Variants in PLCH1 observed in about 807,000 individuals in gnomAD.
PLCH1 encodes the protein 1-phosphatidylinositol 4,5-bisphosphate phosphodiesterase eta-1.
In PLCH1, 60 loss-of-function variants were observed where a neutral mutation model predicts 126.7. The ratio of observed to expected loss-of-function variants is 0.47; its 90% CI spans 0.38 to 0.59. The LOEUF (loss-of-function observed/expected upper bound fraction) is 0.59. Ranked by LOEUF, PLCH1 falls within the 20% of genes least tolerant of loss-of-function variation. The probability of loss-of-function intolerance (pLI) is 0.00; values close to 1 mark genes in which losing one functional copy is unlikely to be tolerated. For synonymous variants in PLCH1, 719 were observed against 734.9 expected (o/e 0.98, Z 0.35); for missense variants, 1,723 against 2,040.0 (o/e 0.84, Z 2.99).
chr3:155,679,712 T>G (rs1186846879), intron 2 of PLCH1, among the ~76,000 whole-genome samples: 2 of 152,208 alleles, frequency 1.3e-5, no homozygotes, highest in Non-Finnish European at 2.9e-5. Flanking sequence ...TGTCACTTAA[T>G]GAAACATTAT....
At chr3:155,458,738 T>C (rs1712596279) in intron 21 of PLCH1, among the ~76,000 whole-genome samples, 1 of 152,184 alleles carries the variant, frequency 6.6e-6, no homozygotes, top group African/African-American at 2.4e-5. Flanking sequence ...TTGTCTATTA[T>C]TTCTTCCCCT....
intron 2 of PLCH1, among the ~76,000 whole-genome samples, chr3:155,617,237 G>A (rs1735898472): frequency 6.6e-6 from 1 of 152,072 alleles, no homozygotes; most frequent in African/African-American, 2.4e-5. Flanking sequence ...CTTTTCAGAG[G>A]ATGGTTTATA....
chr3:155,675,965 A>T, intron 2 of PLCH1: 1 of 1,206,832 alleles, frequency 8.3e-7, no homozygotes. Flanking sequence ...GGACTATTAC[A>T]CTTACCTTAA....
chr3:155,712,930 T>C (rs1010185179), intron 1 of PLCH1, among the ~76,000 whole-genome samples: 5 of 151,584 alleles, frequency 3.3e-5, no homozygotes, highest in African/African-American at 7.3e-5. Context: ...ACATTCCTTA[T>C]TAATAATATA....
chr3:155,564,934 C>T lies in PLCH1; in HGVS notation c.1050G>A (p.Glu350=), dbSNP rs146148469. Reference sequence around the variant, plus strand: ...ACGTACCTTCCACACAGCGACAGCCCTCTTGCAGCACCCGTGCATACATAT... The same window carrying T: ...ACGTACCTTCCACACAGCGACAGCCTTCTTGCAGCACCCGTGCATACATAT... ...KVDMYARVLQ[E]GCRCVEVDCW... is the part of the protein sequence containing the mutation. The change falls in exon 8 of 23, where the codon GAG becomes GAA. Residue 350 remains glutamate, a synonymous_variant. Transcript: ENST00000460012. 910 of 1,613,574 alleles carry T rather than the reference C, an allele frequency of 5.6e-4. 6 individuals are homozygous for T. Among genetic ancestry groups the T allele is most frequent in the Non-Finnish European group, 2.0e-4 (232 of 1,179,564 alleles).
In PLCH1 at chr3:155,723,666, C is replaced by T. The variant is rs1288213686; in HGVS notation, c.-40-19402G>A. Among the ~76,000 whole-genome samples the T allele has an allele frequency of 2.0e-5, 3 of 152,040 alleles. No homozygotes were observed. The East Asian group carries it at 5.8e-4, about 29-fold the overall frequency. ...TTCAGTTCAAATAATTTTTTAATTG[C>T]CATCTTGGACCAAGCATGGTGGCTC... On this transcript the variant is annotated intron_variant, in intron 1 of 22. Coordinates refer to ENST00000460012, the MANE Select transcript of PLCH1 (RefSeq NM_014996.4).
intron 10 of PLCH1, among the ~76,000 whole-genome samples, chr3:155,533,212 C>A (rs1722920339): frequency 6.6e-6 from 1 of 152,106 alleles, no homozygotes; most frequent in East Asian, 1.9e-4. Context: ...GGAAGCAGAG[C>A]ATAAAAGTTT....
intron 11 of PLCH1, among the ~76,000 whole-genome samples, chr3:155,516,628 G>T (rs1311382021): frequency 6.6e-6 from 1 of 152,076 alleles, no homozygotes; most frequent in Non-Finnish European, 1.5e-5. Flanking sequence ...TGCCAAAAGA[G>T]GAAGTGTGTC....
intron 12 of PLCH1, among the ~76,000 whole-genome samples, chr3:155,510,224 C>G (rs1340972789): frequency 9.1e-6 from 1 of 109,922 alleles, no homozygotes; most frequent in East Asian, 2.3e-4. Flanking sequence ...CTTCCTCCAT[C>G]CTTTTATTTT....
intron 12 of PLCH1, among the ~76,000 whole-genome samples, chr3:155,512,764 T>A (rs1408990808): frequency 6.6e-6 from 1 of 152,140 alleles, no homozygotes. Context: ...GAATTTGAGC[T>A]TTATCCTCCA....
chr3:155,541,823 C>CAT, intron 10 of PLCH1, among the ~76,000 whole-genome samples: 1 of 151,936 alleles, frequency 6.6e-6, no homozygotes, highest in South Asian at 2.1e-4. Context: ...TTGTTACACA[C>CAT]ACACACACTC....
At chr3:155,709,932 A>G (rs999077140) in intron 1 of PLCH1, among the ~76,000 whole-genome samples, 6 of 151,948 alleles carry the variant, frequency 3.9e-5, no homozygotes, top group African/African-American at 1.5e-4. Context: ...TAAAAATTTT[A>G]ATCAGGTTGT....
At chr3:155,519,153 C>T (rs1407332983) in intron 11 of PLCH1, among the ~76,000 whole-genome samples, 1 of 152,172 alleles carries the variant, frequency 6.6e-6, no homozygotes, top group Admixed American at 6.5e-5. Flanking sequence ...AATCCAATAG[C>T]ACTACTGAAA....
At chr3:155,659,599 A>C (rs1741889977) in intron 2 of PLCH1, among the ~76,000 whole-genome samples, 1 of 151,800 alleles carries the variant, frequency 6.6e-6, no homozygotes, top group African/African-American at 2.4e-5. Context: ...CCCAGGTTCA[A>C]GCGATTCTCC....
intron 2 of PLCH1, among the ~76,000 whole-genome samples, chr3:155,658,943 A>G (rs1405258049): frequency 3.3e-5 from 5 of 152,224 alleles, no homozygotes; most frequent in Non-Finnish European, 7.3e-5. Context: ...AGAAAACGTA[A>G]TTATCCAGCA....
At position 155,524,013 on chromosome 3, in the gene PLCH1, G is replaced by C. The variant is rs1328969412; in HGVS notation, c.1363-9C>G. The C allele has an allele frequency of 6.9e-7, 1 of 1,443,920 alleles. No individual in the cohort carries two copies. The highest frequency in any genetic ancestry group is 1.4e-5 in the African/African-American group (1 of 71,596). The allele number at this position is 1,443,920 out of a possible 1,614,324, so 89.4% of individuals were successfully genotyped here. On this transcript the variant is annotated splice_polypyrimidine_tract_variant and intron_variant, in intron 10 of 22. Coordinates refer to ENST00000460012, the MANE Select transcript of PLCH1 (RefSeq NM_014996.4). The stretch of plus-strand genomic sequence containing the variant: ...TAAGGCAACTTCTTACCCTGAAATG[G>C]AACAAAACATCCCATTTAAAAATGA...
intron 3 of PLCH1, among the ~76,000 whole-genome samples, chr3:155,594,846 G>A (rs562853588): frequency 1.3e-5 from 2 of 152,338 alleles, no homozygotes; most frequent in South Asian, 4.1e-4. Context: ...TTACATATTT[G>A]TAGAAAATAT....
At chr3:155,594,659 T>A (rs1009958451) in intron 3 of PLCH1, among the ~76,000 whole-genome samples, 3 of 152,224 alleles carry the variant, frequency 2.0e-5, no homozygotes, top group African/African-American at 7.2e-5. Context: ...GGCCCTGTTT[T>A]TTCCCACTAG....
intron 2 of PLCH1, among the ~76,000 whole-genome samples, chr3:155,698,260 G>T (rs1745985823): frequency 6.6e-6 from 1 of 152,064 alleles, no homozygotes; most frequent in Admixed American, 6.6e-5. Flanking sequence ...AAAAATGAAA[G>T]AACTTTAGAT....
Sources: allele counts gnomAD v4.1 joint callset (sites outside exome capture counted in the v4.1 genomes callset), GRCh38; gene constraint gnomAD v4.1.1; transcripts MANE v1.5; gene names NCBI Gene and HGNC (gene_info 2026-07-23, HGNC 2026-07-21).